AAMDC: variants seen among roughly 807,000 people sequenced by gnomAD.
AAMDC encodes the protein mth938 domain-containing protein.
In AAMDC, 16 loss-of-function variants were observed where a neutral mutation model predicts 15.5. The ratio of observed to expected loss-of-function variants is 1.03; its 90% confidence interval spans 0.70 to 1.57. The LOEUF (loss-of-function observed/expected upper bound fraction) is 1.57, where lower values mean the gene tolerates loss of function less well. Ranked by LOEUF, AAMDC falls within the 40% of genes most tolerant of loss-of-function variation. AAMDC has a pLI of 0.00. For missense variants in AAMDC, 141 were observed against 144.9 expected, an observed-to-expected ratio of 0.97 and a Z score of 0.14; for synonymous variants, 51 against 51.6, an observed-to-expected ratio of 0.99 and a Z score of 0.05.
intron 3 of AAMDC, among the ~76,000 whole-genome samples, chr11:77,870,943 C>T (rs1443023619): frequency 6.6e-6 from 1 of 152,136 alleles, no homozygotes; most frequent in Non-Finnish European, 1.5e-5. Flanking sequence ...CTCATTCTTT[C>T]CTTTATAGAT....
intron 1 of AAMDC, chr11:77,831,862 A>ATTTTTTT (rs767406733): frequency 1.2e-5 from 1 of 80,790 alleles, no homozygotes; most frequent in African/African-American, 5.9e-5. Flanking sequence ...TGCCTGGCTA[A>ATTTTTTT]TTTTTTTTTT....
At chr11:77,825,067 G>A (rs1325402696) in intron 1 of AAMDC, among the ~76,000 whole-genome samples, 3 of 152,148 alleles carry the variant, frequency 2.0e-5, no homozygotes, top group South Asian at 2.1e-4. Flanking sequence ...TGCATGCTCC[G>A]ACTCCTGGTT....
chr11:77,856,635 C>T (rs685474), intron 2 of AAMDC, among the ~76,000 whole-genome samples: 60,947 of 151,796 alleles, frequency 0.4, 12,875 homozygotes, highest in African/African-American at 0.52. Context: ...CTTACTATCA[C>T]GGCAGAAGGT....
downstream of AAMDC, chr11:77,901,687 A>G: frequency 1.5e-6 from 1 of 668,332 alleles, no homozygotes; most frequent in South Asian, 2.0e-5. Context: ...TAAGTGTTGA[A>G]AGAAATTAGT....
chr11:77,878,002 T>C (rs1191623329), intron 5 of AAMDC, among the ~76,000 whole-genome samples: 4 of 152,172 alleles, frequency 2.6e-5, no homozygotes, highest in African/African-American at 9.7e-5. Context: ...TTTTGTAAAA[T>C]ATAGCTCTTC....
intron 5 of AAMDC, among the ~76,000 whole-genome samples, chr11:77,890,596 C>T (rs1288694860): frequency 6.6e-6 from 1 of 152,068 alleles, no homozygotes; most frequent in African/African-American, 2.4e-5. Flanking sequence ...GTCTACTCAC[C>T]AAACCCTGTT....
chr11:77,848,059 C>T (rs1950217602), intron 2 of AAMDC, among the ~76,000 whole-genome samples: 1 of 152,136 alleles, frequency 6.6e-6, no homozygotes, highest in Non-Finnish European at 1.5e-5. Context: ...TCTACCGAGT[C>T]CACCAATTTA....
At chr11:77,897,447 T>C (rs548121557) in intron 5 of AAMDC, among the ~76,000 whole-genome samples, 4 of 151,700 alleles carry the variant, frequency 2.6e-5, no homozygotes, top group Admixed American at 2.0e-4. Flanking sequence ...TAAAAATTAA[T>C]AGAAGCTACA....
At chr11:77,892,015 A>T (rs1407806553) in intron 5 of AAMDC, among the ~76,000 whole-genome samples, 1 of 152,210 alleles carries the variant, frequency 6.6e-6, no homozygotes, top group Admixed American at 6.5e-5. Context: ...TCACATGATC[A>T]TCAGAAAGGC....
intron 5 of AAMDC, among the ~76,000 whole-genome samples, chr11:77,877,866 T>G (rs1436097753): frequency 6.6e-6 from 1 of 152,098 alleles, no homozygotes; most frequent in Admixed American, 6.6e-5. Flanking sequence ...ATTATAGGCA[T>G]GAGCCACAGC....
chr11:77,889,973 G>A (rs759455230), intron 5 of AAMDC, among the ~76,000 whole-genome samples: 43 of 152,182 alleles, frequency 2.8e-4, no homozygotes, highest in Non-Finnish European at 5.1e-4. Context: ...AGTTCTGCTA[G>A]TATCACTGAC....
intron 1 of AAMDC, among the ~76,000 whole-genome samples, chr11:77,833,727 A>G (rs1949558457): frequency 6.6e-6 from 1 of 152,214 alleles, no homozygotes. Context: ...AATACCTAAC[A>G]TTAAAATTCT....
chr11:77,830,230 G>A (rs1949359330), intron 1 of AAMDC: 1 of 152,178 alleles, frequency 6.6e-6, no homozygotes. Context: ...CATGTTGGGA[G>A]CTCAAAAGGC....
chr11:77,837,443 T>TTTTG (rs370882837), intron 1 of AAMDC, among the ~76,000 whole-genome samples: 217 of 150,340 alleles, frequency 1.4e-3, no homozygotes, highest in African/African-American at 3.7e-3. Flanking sequence ...TCCCTTTGGT[T>TTTTG]TTTGTTTGTT....
intron 5 of AAMDC, among the ~76,000 whole-genome samples, chr11:77,878,015 T>C (rs572106356): frequency 1.3e-5 from 2 of 152,306 alleles, no homozygotes; most frequent in African/African-American, 4.8e-5. Context: ...AGCTCTTCTA[T>C]ATTATTTATT....
chr11:77,857,493 A>G lies in AAMDC; in HGVS notation c.133-12229A>G, dbSNP rs372217084. Among the ~76,000 whole-genome samples the G allele has an allele frequency of 2.0e-5, 3 of 152,174 alleles. No homozygotes were observed. In the East Asian group the frequency reaches 5.8e-4, roughly 29 times the overall value. ...ATATTTATTTTTGTAGGAAGCTCTA[A>G]AGTCATATAATTGGTTGAGGCTAGA... On this transcript the variant is annotated intron_variant, in intron 2 of 3. Transcript: ENST00000393427.
chr11:77,859,791 T>G (rs541439300), intron 2 of AAMDC, among the ~76,000 whole-genome samples: 1 of 152,348 alleles, frequency 6.6e-6, no homozygotes, highest in South Asian at 2.1e-4. Flanking sequence ...TTTTCTTCAT[T>G]GTCTGGAAGA....
chr11:77,901,099 A>G (rs1952763865), downstream of AAMDC, among the ~76,000 whole-genome samples: 1 of 152,226 alleles, frequency 6.6e-6, no homozygotes, highest in Non-Finnish European at 1.5e-5. Context: ...GGTCCCTGGC[A>G]CTAAATTCTT....
intron 2 of AAMDC, chr11:77,868,955 C>T: frequency 3.9e-6 from 1 of 257,340 alleles, no homozygotes. Context: ...TGGCCTGTAA[C>T]TTATTTGTTT....
Sources: gnomAD v4.1 joint callset for allele counts (sites outside exome capture counted in the v4.1 genomes callset) on GRCh38, gnomAD v4.1.1 for gene constraint, MANE v1.5 for transcripts, NCBI Gene and HGNC (gene_info 2026-07-23, HGNC 2026-07-21) for gene names.